TBC1D30: variants seen among roughly 807,000 people sequenced by gnomAD.
TBC1D30 encodes the protein TBC1 domain family member 30.
Under a neutral mutation model 63.2 loss-of-function variants are expected in TBC1D30, and 31 were observed. The observed-to-expected ratio is 0.49, with a 90% CI of 0.37 to 0.66. The LOEUF (loss-of-function observed/expected upper bound fraction) is 0.66. TBC1D30 is among the 30% of genes least tolerant of loss of function. The pLI is 0.00. For synonymous variants in TBC1D30, 307 were observed against 361.5 expected (o/e 0.85, Z 1.71); for missense variants, 810 against 953.6 (o/e 0.85, Z 1.98).
chr12:64,824,084 T>TA (rs397728255), upstream of TBC1D30, among the ~76,000 whole-genome samples: 5 of 151,530 alleles, frequency 3.3e-5, no homozygotes, highest in Admixed American at 3.3e-4. Context: ...TTTTTTTTTT[T>TA]AAACCATAAT....
chr12:64,824,814 CT>C lies in TBC1D30; in HGVS notation c.-65del, dbSNP rs1366571614. 1 of 1,497,200 alleles carries C rather than the reference CT, an allele frequency of 6.7e-7. No individual in the cohort carries two copies. Among genetic ancestry groups the C allele is most frequent in the East Asian group, 2.5e-5 (1 of 40,290 alleles). 92.7% of individuals were successfully genotyped at this position (1,497,200 alleles called of 1,614,324 possible). ...TCACCCAGCTCCGCGAGCTCAGCCGCTCAGCGAGTGGGGTAGCGGGGACCGA... is the reference window on the plus strand; with the variant it reads ...TCACCCAGCTCCGCGAGCTCAGCCGCCAGCGAGTGGGGTAGCGGGGACCGA... On this transcript the variant is annotated 5_prime_UTR_variant, in exon 1 of 12. Transcript: ENST00000539867.
intron 2 of TBC1D30, among the ~76,000 whole-genome samples, chr12:64,786,958 T>A (rs996718305): frequency 1.3e-5 from 2 of 151,268 alleles, no homozygotes; most frequent in African/African-American, 2.4e-5. Flanking sequence ...AAAAAATAAA[T>A]AAATAAAAAT....
chr12:64,808,527 T>G (rs889361182), intron 2 of TBC1D30, among the ~76,000 whole-genome samples: 2 of 152,206 alleles, frequency 1.3e-5, no homozygotes, highest in Non-Finnish European at 2.9e-5. Context: ...TACTGAAAAT[T>G]GCCAACTGAT....
At chr12:64,840,996 A>C (rs1338869667) in intron 7 of TBC1D30, among the ~76,000 whole-genome samples, 5 of 152,340 alleles carry the variant, frequency 3.3e-5, no homozygotes, top group Non-Finnish European at 5.9e-5. Context: ...CCTGTGGAGT[A>C]GATAGGGTTA....
At chr12:64,843,200 G>T (rs1876042131) in intron 7 of TBC1D30, among the ~76,000 whole-genome samples, 180 bp from the exon 8 acceptor site, 1 of 152,100 alleles carries the variant, frequency 6.6e-6, no homozygotes, top group Non-Finnish European at 1.5e-5. Flanking sequence ...GGAGAGATGG[G>T]GTCTTGCTGC....
chr12:64,770,220 A>T (rs1397931311), intron 1 of TBC1D30, among the ~76,000 whole-genome samples: 2 of 151,586 alleles, frequency 1.3e-5, no homozygotes, highest in Admixed American at 6.6e-5. Flanking sequence ...GAGACTCTAC[A>T]CTCTGAAGAA....
intron 2 of TBC1D30, among the ~76,000 whole-genome samples, chr12:64,792,174 A>G (rs1204940877): frequency 6.6e-6 from 1 of 152,248 alleles, no homozygotes; most frequent in East Asian, 1.9e-4. Context: ...TTTTTTAAAG[A>G]ATAAGTAAAC....
rs564450864 is a variant in TBC1D30, at chr12:64,868,400, A to G, written c.1291+1497A>G. ...CCACCTTTCAGACCTTTGGGCTCAC[A>G]CCATTGATACCTCTGATCCTTAGGG... On this transcript the variant is annotated intron_variant, in intron 10 of 11. Transcript: ENST00000539867. 30 of 192,348 alleles carry G rather than the reference A, an allele frequency of 1.6e-4. No individual in the cohort carries two copies. In the Admixed American group the frequency reaches 1.7e-3, roughly 11 times the overall value. The allele number at this position is 192,348 out of a possible 1,614,324, so 11.9% of individuals were successfully genotyped here. A position where few individuals can be genotyped will look rare whatever the true frequency, so the allele number is the denominator to read the frequency against.
At position 64,864,783 on chromosome 12, in the gene TBC1D30, A is replaced by G; in HGVS notation, c.1151+3A>G. 6.6e-7 allele frequency: 1 copy of G among 1,525,636 alleles called. No individual in the cohort carries two copies. The highest frequency in any genetic ancestry group is 1.4e-5 in the African/African-American group (1 of 72,946). 94.5% of individuals were successfully genotyped at this position (1,525,636 alleles called of 1,614,324 possible). On this transcript the variant is annotated splice_donor_region_variant and intron_variant, in intron 9 of 11. Coordinates refer to ENST00000539867, the MANE Select transcript of TBC1D30 (RefSeq NM_015279.2). ...GTTAAACCCACCTCAGTTTCTGGGT[A>G]AGGTTTTTAAATTCCTTGTTGTTTT...
intron 8 of TBC1D30, among the ~76,000 whole-genome samples, chr12:64,862,537 GT>G (rs1249767311): frequency 3.3e-5 from 5 of 152,208 alleles, no homozygotes; most frequent in Non-Finnish European, 7.3e-5. Context: ...GCAGGGTGCA[GT>G]AGGGGGAGGA....
intron 11 of TBC1D30, among the ~76,000 whole-genome samples, chr12:64,872,712 C>G (rs1379144625): frequency 6.6e-6 from 1 of 152,204 alleles, no homozygotes; most frequent in Non-Finnish European, 1.5e-5. Context: ...ATACCTGAGA[C>G]TAGGCAATTT....
At chr12:64,805,966 T>C (rs1872844685) in intron 2 of TBC1D30, among the ~76,000 whole-genome samples, 1 of 152,242 alleles carries the variant, frequency 6.6e-6, no homozygotes. Flanking sequence ...CTCTCTGCCA[T>C]CCCAGTCTGA....
rs189556570 is a variant in TBC1D30 at position 64,791,967 on chromosome 12, C to T, written c.643+5922C>T. On this transcript the variant is annotated intron_variant, in intron 2 of 12. Coordinates refer to the TBC1D30 transcript ENST00000542120. ...ATCTTCTGTTTCTTCTTGTGTCATC[C>T]CTGGTGTATTATACAGAATTTGCCA... Among the ~76,000 whole-genome samples the T allele has an allele frequency of 5.3e-5, 8 of 152,094 alleles. No homozygotes were observed. In the East Asian group the frequency reaches 1.4e-3, roughly 26 times the overall value.
intron 1 of TBC1D30, among the ~76,000 whole-genome samples, chr12:64,826,099 C>T (rs1320380081): frequency 6.6e-6 from 1 of 151,930 alleles, no homozygotes. Context: ...CTCCTTCCCA[C>T]GTTAAAAGTA....
At position 64,875,137 on chromosome 12, in the gene TBC1D30, A is replaced by T; in HGVS notation, c.1635A>T (p.Thr545=). 2.0e-6 allele frequency: 3 copies of T among 1,536,494 alleles called. No individual in the cohort carries two copies. The highest frequency in any genetic ancestry group is 2.6e-6 in the Non-Finnish European group (3 of 1,146,954). The part of the protein sequence containing the change: ...KNAVIHIPGH[T]GGKISPVPYE... ...CTGTCATCCACATCCCTGGTCACACAGGAGGGAAAATATCTCCTGTCCCCT... is the reference window on the plus strand; with the variant it reads ...CTGTCATCCACATCCCTGGTCACACTGGAGGGAAAATATCTCCTGTCCCCT... The change falls in exon 12 of 12, where the codon ACA becomes ACT. Residue 545 remains threonine (T), a synonymous_variant. Coordinates refer to ENST00000539867, the MANE Select transcript of TBC1D30 (RefSeq NM_015279.2).
upstream of TBC1D30, among the ~76,000 whole-genome samples, chr12:64,777,598 A>G (rs747529466): frequency 4.6e-5 from 7 of 152,248 alleles, no homozygotes; most frequent in Non-Finnish European, 8.8e-5. Flanking sequence ...CTGCTCAAAG[A>G]AATCAGAGAT....
At position 64,832,102 on chromosome 12, in the gene TBC1D30, G is replaced by A; in HGVS notation, c.409-17G>A. 1 of 1,503,856 alleles carries A rather than the reference G, an allele frequency of 6.6e-7. No homozygotes were observed. Among genetic ancestry groups the A allele is most frequent in the South Asian group, 1.2e-5 (1 of 80,692 alleles). 93.2% of individuals were successfully genotyped at this position (1,503,856 alleles called of 1,614,324 possible). On this transcript the variant is annotated splice_polypyrimidine_tract_variant and intron_variant, in intron 4 of 11. Transcript: ENST00000539867. ...ATTAGGAGTTATTTTTGAAAATATTGTTTCCCTTCCATTTAGGACCTTCAC... is the reference window on the plus strand; with the variant it reads ...ATTAGGAGTTATTTTTGAAAATATTATTTCCCTTCCATTTAGGACCTTCAC...
intron 2 of TBC1D30, among the ~76,000 whole-genome samples, chr12:64,796,435 T>G (rs1175973122): frequency 1.3e-5 from 2 of 152,124 alleles, no homozygotes; most frequent in Admixed American, 6.5e-5. Context: ...CAGGGGGAGC[T>G]CCTTCCCTTA....
intron 8 of TBC1D30, among the ~76,000 whole-genome samples, chr12:64,861,397 CA>C (rs749769349): frequency 6.6e-6 from 1 of 152,008 alleles, no homozygotes; most frequent in Non-Finnish European, 1.5e-5. Context: ...TATATTCATT[CA>C]TTTTTTTTTA....
Sources: gnomAD v4.1 joint callset for allele counts (sites outside exome capture counted in the v4.1 genomes callset) on GRCh38, gnomAD v4.1.1 for gene constraint, MANE v1.5 for transcripts, NCBI Gene and HGNC (gene_info 2026-07-23, HGNC 2026-07-21) for gene names.